The following PTPRT variants were observed in gnomAD, a reference collection of about 807,000 sequenced individuals.
The protein encoded by PTPRT is receptor-type tyrosine-protein phosphatase T.
A neutral mutation model predicts 176.8 loss-of-function variants in PTPRT; 56 were observed. That is an observed-to-expected ratio of 0.32 (90% CI 0.26 to 0.40). PTPRT has a LOEUF of 0.40. Among genes scored for constraint, PTPRT ranks in the 10% least tolerant of loss-of-function variants. PTPRT has a pLI of 1.00. For missense variants in PTPRT, 1,540 were observed against 1,908.2 expected, an observed-to-expected ratio of 0.81 and a Z score of 3.60; for synonymous variants, 783 against 739.0, an observed-to-expected ratio of 1.06 and a Z score of -0.96.
intron 27 of PTPRT, among the ~76,000 whole-genome samples, chr20:42,086,753 A>ATATAT (rs60067837): frequency 1.0e-5 from 1 of 95,538 alleles, no homozygotes; most frequent in Non-Finnish European, 2.0e-5. Context: ...AAAAAAAAAA[A>ATATAT]ATATATATAT....
chr20:42,262,005 T>A (rs764425334), intron 13 of PTPRT, among the ~76,000 whole-genome samples: 2 of 152,080 alleles, frequency 1.3e-5, no homozygotes, highest in Admixed American at 6.6e-5. Context: ...ATAAGCAGGA[T>A]CAGACAGAGG....
chr20:43,167,206 C>A (rs1370468265), intron 1 of PTPRT, among the ~76,000 whole-genome samples: 1 of 152,200 alleles, frequency 6.6e-6, no homozygotes, highest in African/African-American at 2.4e-5. Flanking sequence ...CCTCAACTGT[C>A]ATAAGAAATA....
intron 1 of PTPRT, among the ~76,000 whole-genome samples, chr20:43,161,327 G>A (rs1409356521): frequency 1.3e-5 from 2 of 151,982 alleles, no homozygotes; most frequent in Non-Finnish European, 1.5e-5. Context: ...TTGCAGACTT[G>A]AAGAACACAA....
intron 6 of PTPRT, among the ~76,000 whole-genome samples, chr20:42,680,688 T>C (rs1600597734): frequency 6.6e-6 from 1 of 152,208 alleles, no homozygotes; most frequent in Non-Finnish European, 1.5e-5. Context: ...CATTTAGTTC[T>C]TTTCCATTGA....
intron 1 of PTPRT, among the ~76,000 whole-genome samples, chr20:43,100,027 T>C (rs967818765): frequency 6.6e-6 from 1 of 152,126 alleles, no homozygotes; most frequent in African/African-American, 2.4e-5. Flanking sequence ...ACAATGTGTA[T>C]TACATAGAGG....
intron 1 of PTPRT, among the ~76,000 whole-genome samples, chr20:43,171,007 G>C (rs1215969453): frequency 2.6e-5 from 4 of 152,180 alleles, no homozygotes; most frequent in Non-Finnish European, 4.4e-5. Context: ...GCGTGACTGA[G>C]TATGTGCATA....
At chr20:42,767,114 G>C (rs2076993498) in intron 5 of PTPRT, among the ~76,000 whole-genome samples, 1 of 152,164 alleles carries the variant, frequency 6.6e-6, no homozygotes, top group Admixed American at 6.5e-5. Flanking sequence ...ATCCTCTCTG[G>C]GGTGGCAGGT....
intron 2 of PTPRT, among the ~76,000 whole-genome samples, chr20:42,837,445 C>T (rs903449897): frequency 6.6e-6 from 1 of 152,196 alleles, no homozygotes; most frequent in African/African-American, 2.4e-5. Context: ...CTTGAGAGCT[C>T]ATCTTTTCCT....
At chr20:42,620,727 C>T (rs954781691) in intron 7 of PTPRT, among the ~76,000 whole-genome samples, 1 of 152,216 alleles carries the variant, frequency 6.6e-6, no homozygotes, top group African/African-American at 2.4e-5. Flanking sequence ...TCACCCCTTT[C>T]TTTGACTTCG....
intron 1 of PTPRT, among the ~76,000 whole-genome samples, chr20:43,154,579 G>T (rs979139368): frequency 6.6e-6 from 1 of 152,140 alleles, no homozygotes; most frequent in Non-Finnish European, 1.5e-5. Flanking sequence ...TTTTCATAGG[G>T]ATTACACTGA....
intron 12 of PTPRT, among the ~76,000 whole-genome samples, chr20:42,291,471 T>C (rs886421975): frequency 3.3e-5 from 5 of 152,184 alleles, no homozygotes; most frequent in African/African-American, 1.2e-4. Flanking sequence ...TCAATCTATA[T>C]TTAAGTTTAG....
At chr20:42,956,839 G>A (rs956507134) in intron 1 of PTPRT, among the ~76,000 whole-genome samples, 2 of 152,160 alleles carry the variant, frequency 1.3e-5, no homozygotes, top group Non-Finnish European at 2.9e-5. Context: ...GGTGGGCCAA[G>A]TGAATCTAGG....
intron 1 of PTPRT, among the ~76,000 whole-genome samples, chr20:42,972,504 A>G (rs898555558): frequency 2.6e-5 from 4 of 151,762 alleles, no homozygotes; most frequent in Admixed American, 6.6e-5. Flanking sequence ...TCTACCAAAA[A>G]TACAAAAATT....
intron 27 of PTPRT, among the ~76,000 whole-genome samples, chr20:42,087,365 T>G (rs1984076880): frequency 6.6e-6 from 1 of 151,990 alleles, no homozygotes; most frequent in Non-Finnish European, 1.5e-5. Flanking sequence ...CAAGTAGTTG[T>G]GACTACAGGC....
At chr20:42,128,277 T>C (rs1987955804) in intron 19 of PTPRT, among the ~76,000 whole-genome samples, 1 of 152,206 alleles carries the variant, frequency 6.6e-6, no homozygotes, top group African/African-American at 2.4e-5. Flanking sequence ...CTCTGCAGCA[T>C]GTTATCTGTA....
intron 7 of PTPRT, among the ~76,000 whole-genome samples, chr20:42,636,854 T>C (rs1233806890): frequency 6.6e-6 from 1 of 152,084 alleles, no homozygotes; most frequent in Non-Finnish European, 1.5e-5. Flanking sequence ...GATGGTGAGA[T>C]GTGCAAGTTC....
chr20:42,314,539 A>AAG (rs1453426404), intron 12 of PTPRT, among the ~76,000 whole-genome samples: 8 of 148,878 alleles, frequency 5.4e-5, no homozygotes, highest in African/African-American at 2.0e-4. Context: ...AAAAAAAAAA[A>AAG]AAAGAAAGAA....
intron 19 of PTPRT, among the ~76,000 whole-genome samples, chr20:42,126,804 T>C (rs1987880058): frequency 6.6e-6 from 1 of 152,284 alleles, no homozygotes; most frequent in African/African-American, 2.4e-5. Flanking sequence ...ATACTGGATG[T>C]ATGAAGGAAA....
rs182312520 is a variant in PTPRT at position 43,032,740 on chromosome 20, C to T, written c.89-146808G>A. On this transcript the variant is annotated intron_variant, in intron 1 of 30. Coordinates refer to ENST00000373187, the MANE Select transcript of PTPRT (RefSeq NM_007050.6). ...CTGCATATCCTCCCCTTCCCTCCTA[C>T]ATTTTCAAGTCTTCTTGGTTCAGAA... 1.5e-3 allele frequency among the ~76,000 whole-genome samples: 224 copies of T among 152,234 alleles called. 1 individual carries two copies. Among genetic ancestry groups the T allele is most frequent in the African/African-American group, 4.7e-3 (194 of 41,538 alleles).
Sources: allele counts gnomAD v4.1 joint callset (sites outside exome capture counted in the v4.1 genomes callset), GRCh38; gene constraint gnomAD v4.1.1; transcripts MANE v1.5; gene names NCBI Gene and HGNC (gene_info 2026-07-23, HGNC 2026-07-21).